Variants in CNTNAP2 observed in about 807,000 individuals in gnomAD.
CNTNAP2 encodes the protein contactin-associated protein-like 2.
Under a neutral mutation model 155.2 loss-of-function variants are expected in CNTNAP2, and 98 were observed. That is an observed-to-expected ratio of 0.63 (90% CI 0.54 to 0.75). The LOEUF (loss-of-function observed/expected upper bound fraction) is 0.75. CNTNAP2 is among the 30% of genes least tolerant of loss of function. The pLI, the probability that CNTNAP2 is intolerant of heterozygous loss-of-function variation, is 0.00. For missense variants in CNTNAP2, 1,727 were observed against 1,688.1 expected (o/e 1.02, Z -0.40); for synonymous variants, 651 against 631.2 (o/e 1.03, Z -0.47).
chr7:147,567,539 G>T (rs1215037195), intron 12 of CNTNAP2, among the ~76,000 whole-genome samples: 1 of 152,186 alleles, frequency 6.6e-6, no homozygotes. Context: ...GAGACTTAAA[G>T]TAGTGGCAAT....
At chr7:147,507,077 C>T (rs1798920235) in intron 11 of CNTNAP2, among the ~76,000 whole-genome samples, 1 of 152,138 alleles carries the variant, frequency 6.6e-6, no homozygotes, top group African/African-American at 2.4e-5. Flanking sequence ...ATTGTAGACT[C>T]TCCAAAGTAG....
intron 1 of CNTNAP2, among the ~76,000 whole-genome samples, chr7:146,578,791 G>T (rs962031500): frequency 2.0e-5 from 3 of 152,102 alleles, no homozygotes; most frequent in African/African-American, 7.2e-5. Context: ...CACATGTTAT[G>T]CACTTATAAC....
chr7:146,743,187 C>T (rs1801749511), intron 1 of CNTNAP2, among the ~76,000 whole-genome samples: 1 of 152,026 alleles, frequency 6.6e-6, no homozygotes, highest in East Asian at 1.9e-4. Flanking sequence ...AAAAACAATG[C>T]TTGTGTTGTA....
At chr7:146,910,262 T>A (rs1360202008) in intron 3 of CNTNAP2, among the ~76,000 whole-genome samples, 1 of 148,986 alleles carries the variant, frequency 6.7e-6, no homozygotes, top group Non-Finnish European at 1.5e-5. Context: ...GCCATCCCCA[T>A]CAAGCTACCA....
At chr7:147,006,719 C>T (rs751271889) in intron 3 of CNTNAP2, among the ~76,000 whole-genome samples, 1 of 152,022 alleles carries the variant, frequency 6.6e-6, no homozygotes, top group Non-Finnish European at 1.5e-5. Flanking sequence ...TTCATATACA[C>T]TTCTAGTCAT....
At chr7:146,803,496 A>G (rs541411770) in intron 2 of CNTNAP2, among the ~76,000 whole-genome samples, 117 of 152,272 alleles carry the variant, frequency 7.7e-4, no homozygotes, top group Non-Finnish European at 1.4e-3. Context: ...CATGACAGCA[A>G]TGGTGCATTT....
chr7:146,144,486 A>G (rs1278982946), intron 1 of CNTNAP2, among the ~76,000 whole-genome samples: 2 of 152,170 alleles, frequency 1.3e-5, no homozygotes, highest in African/African-American at 4.8e-5. Flanking sequence ...AAAATAGAAA[A>G]CAAACAACAA....
chr7:147,370,061 T>C (rs538744285), intron 9 of CNTNAP2, among the ~76,000 whole-genome samples: 1 of 152,172 alleles, frequency 6.6e-6, no homozygotes, highest in Non-Finnish European at 1.5e-5. Context: ...CACAGTAACA[T>C]CTTCCGTATT....
At chr7:148,166,398 T>A (rs983152057) in intron 17 of CNTNAP2, among the ~76,000 whole-genome samples, 2 of 152,170 alleles carry the variant, frequency 1.3e-5, no homozygotes, top group African/African-American at 4.8e-5. Flanking sequence ...GTGTGATTCC[T>A]TCTATGGTGA....
At chr7:146,519,023 A>C (rs1199985208) in intron 1 of CNTNAP2, among the ~76,000 whole-genome samples, 1 of 151,932 alleles carries the variant, frequency 6.6e-6, no homozygotes, top group East Asian at 1.9e-4. Flanking sequence ...TACATTAAAC[A>C]GTTTATAATA....
intron 1 of CNTNAP2, among the ~76,000 whole-genome samples, chr7:146,289,525 A>G (rs1376484763): frequency 6.6e-6 from 1 of 152,198 alleles, no homozygotes; most frequent in African/African-American, 2.4e-5. Context: ...AGTGCTATAG[A>G]TAAGTGTGTT....
intron 2 of CNTNAP2, among the ~76,000 whole-genome samples, chr7:146,805,639 T>A (rs1274475767): frequency 6.6e-6 from 1 of 152,178 alleles, no homozygotes; most frequent in African/African-American, 2.4e-5. Flanking sequence ...TACCACTCTC[T>A]ACTCCATGTC....
rs1167581345 is a variant in CNTNAP2, at chr7:147,621,776, C to T, written c.1898-17330C>T. 5.9e-5 allele frequency among the ~76,000 whole-genome samples: 9 copies of T among 151,920 alleles called. No homozygotes were observed. In the East Asian group the frequency reaches 1.3e-3, roughly 23 times the overall value. On this transcript the variant is annotated intron_variant, in intron 12 of 23. Coordinates refer to ENST00000361727, the MANE Select transcript of CNTNAP2 (RefSeq NM_014141.6). ...ACAACATGGCAAGAGTAACTTCTTA[C>T]TTATCAATAATAACATTGAATGTAA...
intron 15 of CNTNAP2, among the ~76,000 whole-genome samples, chr7:148,116,089 A>AG (rs1228665438): frequency 1.3e-5 from 2 of 151,830 alleles, no homozygotes; most frequent in East Asian, 3.9e-4. Context: ...CAGTGAGCCT[A>AG]GATCGTGCCA....
At chr7:147,035,375 GA>G (rs1563052472) in intron 3 of CNTNAP2, among the ~76,000 whole-genome samples, 1 of 152,174 alleles carries the variant, frequency 6.6e-6, no homozygotes, top group Non-Finnish European at 1.5e-5. Context: ...CCGCAAAATG[GA>G]AAATCTATTT....
rs114955663 is a variant in CNTNAP2, at chr7:146,705,650, C to T, written c.98-68621C>T. 9.4e-3 allele frequency among the ~76,000 whole-genome samples: 1,435 copies of T among 152,054 alleles called. 20 individuals carry two copies. The highest frequency in any genetic ancestry group is 0.032 in the African/African-American group (1,323 of 41,464). ...TGGCTGGGAGACCTCACAATCATGG[C>T]GGAAGACAAAGGAAGAGCAAAGAGA... On this transcript the variant is annotated intron_variant, in intron 1 of 23. Coordinates refer to ENST00000361727, the MANE Select transcript of CNTNAP2 (RefSeq NM_014141.6).
At chr7:146,650,429 A>C (rs1270477423) in intron 1 of CNTNAP2, among the ~76,000 whole-genome samples, 1 of 152,132 alleles carries the variant, frequency 6.6e-6, no homozygotes, top group East Asian at 1.9e-4. Context: ...CATTCTCAGC[A>C]AACTAATACA....
At chr7:147,157,447 C>G (rs567397878) in intron 8 of CNTNAP2, among the ~76,000 whole-genome samples, 99 of 152,166 alleles carry the variant, frequency 6.5e-4, no homozygotes, top group African/African-American at 2.2e-3. Context: ...CAGTGCCTGC[C>G]CATAAATGTA....
At chr7:148,406,546 A>G (rs1052185540) in intron 22 of CNTNAP2, among the ~76,000 whole-genome samples, 2 of 152,198 alleles carry the variant, frequency 1.3e-5, no homozygotes, top group African/African-American at 4.8e-5. Context: ...CTAGCCTTCA[A>G]AAGGCAGGGT....
Sources: allele counts gnomAD v4.1 joint callset (sites outside exome capture counted in the v4.1 genomes callset), GRCh38; gene constraint gnomAD v4.1.1; transcripts MANE v1.5; gene names NCBI Gene and HGNC (gene_info 2026-07-23, HGNC 2026-07-21).